Variants in RARB observed in about 807,000 individuals in gnomAD.
RARB encodes the protein HBV-activated protein.
Under a neutral mutation model 51.9 loss-of-function variants are expected in RARB, and 17 were observed. That is an observed-to-expected ratio of 0.33 (90% CI 0.22 to 0.49). RARB has a LOEUF of 0.49. Ranked by LOEUF, RARB falls within the 20% of genes least tolerant of loss-of-function variation. RARB has a pLI of 0.99. For missense variants in RARB, 369 were observed against 550.8 expected (o/e 0.67, Z 3.30); for synonymous variants, 215 against 195.4 (o/e 1.10, Z -0.84).
intron 2 of RARB, among the ~76,000 whole-genome samples, chr3:25,025,537 A>ACT (rs1697728461): frequency 6.6e-6 from 1 of 152,214 alleles, no homozygotes; most frequent in African/African-American, 2.4e-5. Flanking sequence ...AGAAAGTTAA[A>ACT]GTAGAAACTA....
intron 5 of RARB, among the ~76,000 whole-genome samples, chr3:25,310,130 A>G (rs1704253781): frequency 6.6e-6 from 1 of 152,152 alleles, no homozygotes; most frequent in Admixed American, 6.5e-5. Flanking sequence ...TTTGTCTGCA[A>G]ATTTGAAACC....
intron 5 of RARB, among the ~76,000 whole-genome samples, chr3:25,349,407 C>G (rs977441642): frequency 5.9e-5 from 9 of 152,172 alleles, no homozygotes; most frequent in Non-Finnish European, 1.2e-4. Context: ...GGTATTGTCA[C>G]TTGCGTTGGG....
chr3:24,962,627 A>C (rs2125412479), intron 2 of RARB, among the ~76,000 whole-genome samples: 1 of 152,252 alleles, frequency 6.6e-6, no homozygotes, highest in African/African-American at 2.4e-5. Context: ...GTGGCATTCG[A>C]TTCTCATAGG....
At chr3:25,050,221 T>C (rs1219855444) in intron 2 of RARB, among the ~76,000 whole-genome samples, 2 of 152,110 alleles carry the variant, frequency 1.3e-5, no homozygotes, top group African/African-American at 4.8e-5. Flanking sequence ...AATCTGTGCT[T>C]CTCCTTGACT....
At chr3:24,918,687 A>T (rs1268558742) in intron 2 of RARB, among the ~76,000 whole-genome samples, 1 of 152,162 alleles carries the variant, frequency 6.6e-6, no homozygotes, top group Non-Finnish European at 1.5e-5. Context: ...GTTCAAGACC[A>T]TCCTGGCCAA....
At chr3:25,452,664 C>T (rs201745837) in intron 1 of RARB, among the ~76,000 whole-genome samples, 2 of 149,346 alleles carry the variant, frequency 1.3e-5, no homozygotes, top group Admixed American at 6.6e-5. Context: ...ATTTAAAAAG[C>T]GGGGGGGGTT....
intron 5 of RARB, among the ~76,000 whole-genome samples, chr3:25,330,577 T>C (rs778665584): frequency 1.3e-5 from 2 of 152,122 alleles, no homozygotes; most frequent in Non-Finnish European, 2.9e-5. Flanking sequence ...TTGTAAAGAC[T>C]ATCAATTCTA....
chr3:25,374,385 A>C (rs774157218), intron 5 of RARB, among the ~76,000 whole-genome samples: 2 of 152,260 alleles, frequency 1.3e-5, no homozygotes, highest in Admixed American at 1.3e-4. Flanking sequence ...ATCTAAAGAT[A>C]TAGGTAGGGT....
chr3:25,206,392 C>A (rs1268650358), intron 5 of RARB, among the ~76,000 whole-genome samples: 1 of 152,098 alleles, frequency 6.6e-6, no homozygotes, highest in East Asian at 1.9e-4. Context: ...TTTTAAAATT[C>A]CAGGGAAAAA....
rs185485868 is a variant in RARB at position 24,907,765 on chromosome 3, C to T, written c.-380+49013C>T. Among the ~76,000 whole-genome samples the T allele has an allele frequency of 3.3e-5, 5 of 151,910 alleles. No individual in the cohort carries two copies. In the East Asian group the frequency reaches 9.7e-4, roughly 29 times the overall value. Reference sequence around the variant, plus strand: ...ATTTAATAAGTAAATATCTAGTAAACCCTAACTAAAGCTAAACAGATTTGT... The same window carrying T: ...ATTTAATAAGTAAATATCTAGTAAATCCTAACTAAAGCTAAACAGATTTGT... On this transcript the variant is annotated intron_variant, in intron 2 of 11. Transcript: ENST00000383772.
intron 3 of RARB, among the ~76,000 whole-genome samples, chr3:25,103,153 C>T (rs1486143648): frequency 1.3e-5 from 2 of 152,136 alleles, no homozygotes; most frequent in African/African-American, 4.8e-5. Context: ...GGATCATGAG[C>T]TTCGTTCCCC....
intron 5 of RARB, among the ~76,000 whole-genome samples, chr3:25,248,737 T>C (rs112523868): frequency 3.9e-4 from 59 of 152,316 alleles, no homozygotes; most frequent in African/African-American, 1.3e-3. Flanking sequence ...ATTTTTTCTT[T>C]CAGTATTTAA....
chr3:24,993,063 A>AT (rs1696947901), intron 2 of RARB, among the ~76,000 whole-genome samples: 1 of 152,240 alleles, frequency 6.6e-6, no homozygotes, highest in African/African-American at 2.4e-5. Flanking sequence ...TACAATAAAA[A>AT]GTGAATATAC....
chr3:24,994,179 C>G (rs1559426129), intron 2 of RARB, among the ~76,000 whole-genome samples: 1 of 152,004 alleles, frequency 6.6e-6, no homozygotes, highest in South Asian at 2.1e-4. Context: ...TATTTTTTGT[C>G]TTTTTAATAA....
intron 2 of RARB, among the ~76,000 whole-genome samples, chr3:24,980,762 C>G (rs770089165): frequency 6.6e-6 from 1 of 152,178 alleles, no homozygotes; most frequent in South Asian, 2.1e-4. Context: ...AAGCCTACTT[C>G]TGTCAACTCG....
At chr3:25,561,660 C>A (rs1330362086) in intron 3 of RARB, among the ~76,000 whole-genome samples, 1 of 152,014 alleles carries the variant, frequency 6.6e-6, no homozygotes, top group Non-Finnish European at 1.5e-5. Context: ...AGAAAAACTT[C>A]ATTTCTATTT....
At chr3:25,281,231 A>T (rs1182144679) in intron 5 of RARB, among the ~76,000 whole-genome samples, 2 of 152,152 alleles carry the variant, frequency 1.3e-5, no homozygotes, top group Non-Finnish European at 1.5e-5. Context: ...GCCAGTGGGG[A>T]CATTTCACCC....
At chr3:25,047,008 C>T (rs1377174242) in intron 2 of RARB, among the ~76,000 whole-genome samples, 4 of 152,062 alleles carry the variant, frequency 2.6e-5, no homozygotes, top group African/African-American at 9.7e-5. Flanking sequence ...TTAAATTTTT[C>T]TTCAAATTTA....
intron 5 of RARB, among the ~76,000 whole-genome samples, chr3:25,247,863 G>A (rs1702606504): frequency 6.6e-6 from 1 of 152,128 alleles, no homozygotes; most frequent in Admixed American, 6.6e-5. Flanking sequence ...GTAGCTGTTG[G>A]GTGAAATGTT....
Sources: allele counts gnomAD v4.1 joint callset (sites outside exome capture counted in the v4.1 genomes callset), GRCh38; gene constraint gnomAD v4.1.1; transcripts MANE v1.5; gene names NCBI Gene and HGNC (gene_info 2026-07-23, HGNC 2026-07-21).